Variants in SLC8A1 observed in about 807,000 individuals in gnomAD.
SLC8A1 encodes solute carrier family 8 member A1, also known as sodium/calcium exchanger 1.
Under a neutral mutation model 68.3 loss-of-function variants are expected in SLC8A1, and 18 were observed. The ratio of observed to expected loss-of-function variants is 0.26; its 90% CI spans 0.18 to 0.39. The LOEUF is 0.39. Among genes scored for constraint, SLC8A1 ranks in the 10% least tolerant of loss-of-function variants. SLC8A1 has a pLI of 1.00. For synonymous variants in SLC8A1, 475 were observed against 415.5 expected (o/e 1.14, Z -1.74); for missense variants, 985 against 1,156.7 (o/e 0.85, Z 2.15).
intron 2 of SLC8A1, chr2:40,220,202 G>A (rs2058115617): frequency 6.6e-6 from 1 of 151,214 alleles, no homozygotes; most frequent in African/African-American, 2.4e-5. Context: ...AGGAAAAGGA[G>A]AAAGACAAGA....
At chr2:40,102,322 T>C (rs978519275) in exon 8 of SLC8A1, 4 of 151,998 alleles carry the variant, frequency 2.6e-5, no homozygotes, top group African/African-American at 9.7e-5. Context: ...GCTAAATTTG[T>C]TCACAATTTC....
chr2:40,409,266 A>G (rs1302331088), intron 2 of SLC8A1, among the ~76,000 whole-genome samples: 1 of 152,114 alleles, frequency 6.6e-6, no homozygotes, highest in Non-Finnish European at 1.5e-5. Flanking sequence ...TTACTAGGGT[A>G]TATTCTAATT....
At chr2:40,379,131 T>A (rs965230284) in intron 2 of SLC8A1, among the ~76,000 whole-genome samples, 3 of 152,126 alleles carry the variant, frequency 2.0e-5, no homozygotes, top group Non-Finnish European at 4.4e-5. Flanking sequence ...TGCAAATACC[T>A]AAAATCCCCA....
chr2:40,313,077 C>G (rs537446738), intron 2 of SLC8A1, among the ~76,000 whole-genome samples: 1 of 152,002 alleles, frequency 6.6e-6, no homozygotes, highest in African/African-American at 2.4e-5. Context: ...TCCATTACCC[C>G]CCAAAGTTCT....
intron 1 of SLC8A1, among the ~76,000 whole-genome samples, chr2:40,447,119 C>A (rs4450659): frequency 1.3e-5 from 2 of 152,002 alleles, no homozygotes; most frequent in Non-Finnish European, 1.5e-5. Context: ...ATATTTACAT[C>A]TAGTTTCCTA....
chr2:40,264,848 A>C (rs974948072), intron 2 of SLC8A1, among the ~76,000 whole-genome samples: 1 of 7,194 alleles, frequency 1.4e-4, no homozygotes, highest in African/African-American at 1.0e-3. Flanking sequence ...TTAAAGTATA[A>C]AAAAAAAATA....
At chr2:40,181,900 G>A (rs904902700) in intron 2 of SLC8A1, among the ~76,000 whole-genome samples, 3 of 152,198 alleles carry the variant, frequency 2.0e-5, no homozygotes, top group Non-Finnish European at 1.5e-5. Flanking sequence ...CTTCACAGGG[G>A]ATAGTATGGG....
intron 1 of SLC8A1, among the ~76,000 whole-genome samples, chr2:40,473,057 T>TGGCGGGAGGG (rs1704082243): frequency 1.1e-5 from 1 of 89,064 alleles, no homozygotes; most frequent in Non-Finnish European, 2.1e-5. Flanking sequence ...GAAGTCAGAA[T>TGGCGGGAGGG]GGCGGGAGGG....
intron 2 of SLC8A1, among the ~76,000 whole-genome samples, chr2:40,182,273 A>G (rs1200120122): frequency 2.0e-5 from 3 of 152,232 alleles, no homozygotes; most frequent in Non-Finnish European, 2.9e-5. Context: ...GAACAAATAG[A>G]AAAACTGGTA....
rs757103220 is a variant in SLC8A1, at chr2:40,230,774, T to G, written c.1809-52919A>C. On this transcript the variant is annotated intron_variant, in intron 2 of 7. Transcript: ENST00000406785. The stretch of plus-strand genomic sequence containing the variant: ...TTACAAGAACAAAAAATAAATGTAC[T>G]TTCATAAACAGATTACTATGATGGT... Among the ~76,000 whole-genome samples the G allele has an allele frequency of 5.3e-5, 8 of 152,308 alleles. No homozygotes were observed. The South Asian group carries it at 1.0e-3, about 20-fold the overall frequency.
At chr2:40,117,401 A>T (rs2035705039) in intron 7 of SLC8A1, among the ~76,000 whole-genome samples, 1 of 147,146 alleles carries the variant, frequency 6.8e-6, no homozygotes, top group Admixed American at 6.8e-5. Flanking sequence ...ACAAAAAAAA[A>T]AAAAAAAAAA....
intron 2 of SLC8A1, among the ~76,000 whole-genome samples, chr2:40,182,578 T>G (rs772462317): frequency 2.0e-5 from 3 of 152,236 alleles, no homozygotes; most frequent in African/African-American, 4.8e-5. Context: ...GCAGTGCCTT[T>G]TATTTGATGA....
chr2:40,109,593 T>A (rs143428023), exon 8 of SLC8A1: 1 of 152,278 alleles, frequency 6.6e-6, no homozygotes, highest in Non-Finnish European at 1.5e-5. Flanking sequence ...CAGAAAAACA[T>A]GTCTTGAGCA....
At position 40,124,064 on chromosome 2, in the gene SLC8A1, C is replaced by T. The variant is rs76303733; in HGVS notation, c.2438-8435G>A. On this transcript the variant is annotated intron_variant, in intron 7 of 7. Coordinates refer to ENST00000406785, the Ensembl canonical transcript of SLC8A1. ...TCCAAATCTCCTCAAATTCTCTTCT[C>T]TCCTATTTTAGAGATAGTAAAGACA... Among the ~76,000 whole-genome samples, 60 of 152,334 alleles carry T rather than the reference C, an allele frequency of 3.9e-4. No homozygotes were observed. The East Asian group carries it at 8.5e-3, about 22-fold the overall frequency.
intron 1 of SLC8A1, among the ~76,000 whole-genome samples, chr2:40,476,203 C>G (rs962036376): frequency 9.9e-5 from 15 of 152,082 alleles, no homozygotes; most frequent in African/African-American, 3.6e-4. Context: ...TTTGCAACAA[C>G]CAATTTTCAC....
At chr2:40,199,174 G>A (rs368962293) in intron 2 of SLC8A1, among the ~76,000 whole-genome samples, 5 of 151,854 alleles carry the variant, frequency 3.3e-5, no homozygotes, top group Non-Finnish European at 7.4e-5. Context: ...GGAATTTAGA[G>A]TATGTGATGG....
intron 2 of SLC8A1, chr2:40,178,421 T>C (rs2048868814): frequency 6.2e-7 from 1 of 1,613,880 alleles, no homozygotes; most frequent in Non-Finnish European, 8.5e-7. Context: ...GGCGGGGCTC[T>C]CCAATCTCAA....
chr2:40,170,030 A>AACTC (rs1282371077), intron 4 of SLC8A1, among the ~76,000 whole-genome samples: 1 of 152,158 alleles, frequency 6.6e-6, no homozygotes, highest in Non-Finnish European at 1.5e-5. Flanking sequence ...AATACATTAA[A>AACTC]ACTCAGGAAA....
At chr2:40,381,011 A>G (rs1271027920) in intron 2 of SLC8A1, among the ~76,000 whole-genome samples, 1 of 152,080 alleles carries the variant, frequency 6.6e-6, no homozygotes, top group African/African-American at 2.4e-5. Context: ...TTTTTCTTAG[A>G]CTGAAGAAAC....
Sources: allele counts gnomAD v4.1 joint callset (sites outside exome capture counted in the v4.1 genomes callset), GRCh38; gene constraint gnomAD v4.1.1; transcripts MANE v1.5; gene names NCBI Gene and HGNC (gene_info 2026-07-23, HGNC 2026-07-21).